AOPEP: variants seen among roughly 807,000 people sequenced by gnomAD.
The protein encoded by AOPEP is aminopeptidase O.
A neutral mutation model predicts 98.1 loss-of-function variants in AOPEP; 77 were observed. The ratio of observed to expected loss-of-function variants is 0.78; its 90% CI spans 0.65 to 0.95. AOPEP has a LOEUF of 0.95. AOPEP is among the 40% of genes least tolerant of loss of function. AOPEP has a pLI of 0.00. For missense variants in AOPEP, 1,024 were observed against 1,024.7 expected (o/e 1.00, Z 0.01); for synonymous variants, 346 against 365.3 (o/e 0.95, Z 0.60).
intron 5 of AOPEP, among the ~76,000 whole-genome samples, chr9:94,887,350 AAATAAT>A (rs372787659): frequency 1.9e-4 from 28 of 150,760 alleles, no homozygotes; most frequent in Admixed American, 6.6e-4. Context: ...CCTGTCTCCA[AAATAAT>A]AATAATAATA....
At position 94,972,681 on chromosome 9, in the gene AOPEP, T is replaced by G. The variant is rs1458608001; in HGVS notation, c.1916+4880T>G. On this transcript the variant is annotated intron_variant, in intron 10 of 16. Transcript: ENST00000375315. This position sits in a 1 kb window ranked among gnomAD's most constrained non-coding sequence, Gnocchi z 4.2. Reference sequence around the variant, plus strand: ...AGCTGGGCACCGTGGCTCATGCCTGTAATCCCAGCACTTTGGGAGGCCAAG... The same window carrying G: ...AGCTGGGCACCGTGGCTCATGCCTGGAATCCCAGCACTTTGGGAGGCCAAG... Among the ~76,000 whole-genome samples, 11 of 152,218 alleles carry G rather than the reference T, an allele frequency of 7.2e-5. No individual in the cohort carries two copies. The highest frequency in any genetic ancestry group is 1.0e-4 in the Non-Finnish European group (7 of 68,038).
chr9:94,775,281 CA>C (rs1190116842), intron 3 of AOPEP, among the ~76,000 whole-genome samples: 1 of 151,358 alleles, frequency 6.6e-6, no homozygotes, highest in African/African-American at 2.4e-5. Context: ...CCAGTTGCTT[CA>C]GGATCATTTA....
At chr9:94,943,936 A>AAAAAAC (rs1589021063) in intron 7 of AOPEP, among the ~76,000 whole-genome samples, 3 of 145,472 alleles carry the variant, frequency 2.1e-5, no homozygotes, top group South Asian at 2.1e-4. Context: ...AAAAAAAAAA[A>AAAAAAC]AAAAAAAAAA....
chr9:94,945,528 GTC>G (rs2057518051), intron 7 of AOPEP, among the ~76,000 whole-genome samples: 1 of 152,118 alleles, frequency 6.6e-6, no homozygotes, highest in Non-Finnish European at 1.5e-5. Flanking sequence ...CTGAGGACTC[GTC>G]CTCTTGTGCA....
At chr9:94,948,347 C>T (rs772261599) in intron 7 of AOPEP, among the ~76,000 whole-genome samples, 58 of 151,452 alleles carry the variant, frequency 3.8e-4, no homozygotes, top group Non-Finnish European at 7.9e-4. Context: ...CTCTCCACCA[C>T]ATCCATTCTA....
At chr9:95,111,490 A>G in the AOPEP span, 1 of 1,613,726 alleles carries the variant, frequency 6.2e-7, no homozygotes, top group Non-Finnish European at 8.5e-7. Context: ...GCTGCCTCCC[A>G]TCACGGGGGC....
chr9:95,056,871 T>C (rs1444035543), intron 13 of AOPEP, among the ~76,000 whole-genome samples: 1 of 152,204 alleles, frequency 6.6e-6, no homozygotes, highest in East Asian at 1.9e-4. Flanking sequence ...CTTGTACTCA[T>C]TTCAGTAAGT....
At chr9:95,039,303 A>G (rs1328245790) in intron 13 of AOPEP, among the ~76,000 whole-genome samples, 1 of 152,172 alleles carries the variant, frequency 6.6e-6, no homozygotes, top group East Asian at 1.9e-4. Flanking sequence ...GCGGTGGCTC[A>G]TGCCTGTATT....
chr9:94,787,656 A>G (rs1385894519), intron 3 of AOPEP, among the ~76,000 whole-genome samples: 1 of 152,194 alleles, frequency 6.6e-6, no homozygotes, highest in Non-Finnish European at 1.5e-5. Flanking sequence ...CATCATTTTA[A>G]TAGTACCTTG....
Position 94,967,788 on chromosome 9 carries a change from C to T in AOPEP, c.1903C>T (p.Pro635Ser), listed in dbSNP as rs772724315. ...CCTTCAAATGCTACTGGAGAACATT[C>T]CAGAAGAAAAAAGGTAAGGACCAAT... is the stretch of plus-strand genomic sequence containing the variant. ...DFLQMLLENI[P>S]EEKRLELSVE... is the part of the protein sequence containing the mutation. The change falls in exon 10 of 17, where the codon CCA (proline) becomes TCA (serine). Residue 635 changes from proline (P) to serine (S), a missense_variant. Transcript: ENST00000375315. 1 of 1,612,782 alleles carries T rather than the reference C, an allele frequency of 6.2e-7. No individual in the cohort carries two copies. Among genetic ancestry groups the T allele is most frequent in the South Asian group, 1.1e-5 (1 of 91,016 alleles).
At chr9:94,895,250 AAT>A (rs2049372536) in intron 5 of AOPEP, among the ~76,000 whole-genome samples, 5 of 150,602 alleles carry the variant, frequency 3.3e-5, no homozygotes, top group African/African-American at 7.3e-5. Flanking sequence ...AAAAAAAAAA[AAT>A]AGCTGGGCAT....
At chr9:94,860,495 G>T (rs1185502126) in intron 5 of AOPEP, among the ~76,000 whole-genome samples, 2 of 152,152 alleles carry the variant, frequency 1.3e-5, no homozygotes, top group Non-Finnish European at 2.9e-5. Context: ...TAGTGGCAGT[G>T]GAATGGTGAG....
intron 5 of AOPEP, among the ~76,000 whole-genome samples, chr9:94,829,408 T>C (rs1210420491): frequency 1.3e-5 from 2 of 152,198 alleles, no homozygotes; most frequent in African/African-American, 4.8e-5. Flanking sequence ...CATACCCAAC[T>C]GCAGTTGTGG....
intron 1 of AOPEP, among the ~76,000 whole-genome samples, chr9:94,745,004 C>T (rs1031761416): frequency 3.3e-5 from 5 of 151,872 alleles, no homozygotes; most frequent in South Asian, 2.1e-4. Flanking sequence ...TACAGGTATA[C>T]GATATGTAGT....
the AOPEP span, chr9:95,111,355 G>A: frequency 2.4e-5 from 38 of 1,597,902 alleles, no homozygotes; most frequent in African/African-American, 5.1e-4. Context: ...TCTGTGGGCA[G>A]AGCTCAGGTG....
At position 94,766,310 on chromosome 9, in the gene AOPEP, G is replaced by A. The variant is rs544474842; in HGVS notation, c.797+5730G>A. ...TCCCAGCACTTTGGGAGGCCGAGGC[G>A]GGTGAATCACAAGGTCAGGAGATCG... On this transcript the variant is annotated intron_variant, in intron 2 of 16. Transcript: ENST00000375315. Among the ~76,000 whole-genome samples, 7 of 152,300 alleles carry A rather than the reference G, an allele frequency of 4.6e-5. No homozygotes were observed. The South Asian group carries it at 1.2e-3, about 27-fold the overall frequency.
chr9:95,126,086 G>A, the AOPEP span, among the ~76,000 whole-genome samples: 2 of 152,170 alleles, frequency 1.3e-5, no homozygotes, highest in African/African-American at 4.8e-5. Flanking sequence ...AACATGCATG[G>A]TGTATTTTGC....
intron 5 of AOPEP, among the ~76,000 whole-genome samples, chr9:94,844,115 A>T (rs1346840693): frequency 6.6e-6 from 1 of 152,020 alleles, no homozygotes; most frequent in Admixed American, 6.6e-5. Flanking sequence ...GAGTACAATG[A>T]TGCGATCTCG....
intron 14 of AOPEP, among the ~76,000 whole-genome samples, chr9:95,071,305 C>CACAA (rs1564602325): frequency 1.5e-5 from 2 of 130,294 alleles, no homozygotes; most frequent in African/African-American, 5.8e-5. Context: ...CACACACACA[C>CACAA]AAAAAAATGC....
Sources: allele counts gnomAD v4.1 joint callset (sites outside exome capture counted in the v4.1 genomes callset), GRCh38; gene constraint gnomAD v4.1.1; non-coding constraint Gnocchi (gnomAD v3.1); transcripts MANE v1.5; gene names NCBI Gene and HGNC (gene_info 2026-07-23, HGNC 2026-07-21).